The following HERC2 variants were observed in gnomAD, a reference collection of about 807,000 sequenced individuals.
The protein encoded by HERC2 is E3 ubiquitin-protein ligase HERC2.
A neutral mutation model predicts 537.7 loss-of-function variants in HERC2; 102 were observed. That is an observed-to-expected ratio of 0.19 (90% CI 0.16 to 0.22). The LOEUF (loss-of-function observed/expected upper bound fraction) is 0.22, where lower values mean the gene tolerates loss of function less well. Ranked by LOEUF, HERC2 falls within the 10% of genes least tolerant of loss-of-function variation. The pLI is 1.00. For synonymous variants in HERC2, 2,224 were observed against 2,466.2 expected, an observed-to-expected ratio of 0.90 and a Z score of 2.91; for missense variants, 4,236 against 6,198.2, an observed-to-expected ratio of 0.68 and a Z score of 10.63.
chr15:28,135,393 A>C (rs1890533188), intron 79 of HERC2, 85 bp downstream of exon 79: 4 of 1,058,714 alleles, frequency 3.8e-6, no homozygotes, highest in Non-Finnish European at 5.6e-6. Context: ...GCCTTGAAAA[A>C]CAAAGCGCCA....
intron 78 of HERC2, among the ~76,000 whole-genome samples, chr15:28,138,902 G>GA (rs1246333366): frequency 6.6e-6 from 1 of 152,176 alleles, no homozygotes; most frequent in African/African-American, 2.4e-5. Context: ...GGGAGGAGGT[G>GA]AAAATATCAA....
intron 71 of HERC2, among the ~76,000 whole-genome samples, chr15:28,145,065 G>A (rs1250709474): frequency 6.6e-6 from 1 of 152,242 alleles, no homozygotes; most frequent in African/African-American, 2.4e-5. Flanking sequence ...CACTGCCCTG[G>A]CAGAAGCCAC....
chr15:28,274,996 A>C lies in HERC2; in HGVS notation c.552T>G (p.Pro184=), dbSNP rs1437358101. ...LPPVDKKSSR[P]AGKGVEGLAR... ...CGAGCCCCTCCACACCTTTGCCCGC[A>C]GGCCGGGAACTGCAGACGACACACA... The change falls in exon 6 of 93, where the codon CCT becomes CCG. Residue 184 remains proline, a synonymous_variant. Transcript: ENST00000261609. The C allele has an allele frequency of 6.2e-7, 1 of 1,605,944 alleles. No homozygotes were observed. The highest frequency in any genetic ancestry group is 8.5e-7 in the Non-Finnish European group (1 of 1,179,320).
At chr15:28,317,475 G>A (rs2077120525) in intron 2 of HERC2, among the ~76,000 whole-genome samples, 1 of 152,238 alleles carries the variant, frequency 6.6e-6, no homozygotes, top group African/African-American at 2.4e-5. Flanking sequence ...TAGAGGAAGA[G>A]ACAAATAAAT....
At chr15:28,297,912 G>A (rs1385645709) in intron 3 of HERC2, among the ~76,000 whole-genome samples, 1 of 148,478 alleles carries the variant, frequency 6.7e-6, no homozygotes, top group Non-Finnish European at 1.5e-5. Flanking sequence ...TGAGACAAAC[G>A]GTGGATGGAC....
At chr15:28,207,359 C>G (rs1278501293) in intron 44 of HERC2, among the ~76,000 whole-genome samples, 1 of 152,174 alleles carries the variant, frequency 6.6e-6, no homozygotes, top group Non-Finnish European at 1.5e-5. Context: ...TGGTCTCGAA[C>G]TCCTGACCTC....
chr15:28,176,689 T>G lies in HERC2; in HGVS notation c.9512A>C (p.Glu3171Ala), dbSNP rs1159995902. The part of the protein sequence containing the change: ...RDAQTLALTD[E>A]GLVFSWGDGD... The stretch of plus-strand genomic sequence containing the variant: ...ACAGAATCCTGCCAGCCACTCACCT[T>G]CATCGGTCAGAGCCAGGGTCTGCGC... The change falls in exon 62 of 93, where the codon GAA (glutamate) becomes GCA (alanine). Residue 3171 changes from glutamate to alanine, a missense_variant and splice_region_variant. Glu to Ala is a moderately radical substitution (Grantham distance 107). Coordinates refer to ENST00000261609, the MANE Select transcript of HERC2 (RefSeq NM_004667.6). The surrounding 1 kb of genome is among the most constrained non-coding windows in gnomAD (Gnocchi z 5.0). 1 of 1,614,102 alleles carries G rather than the reference T, an allele frequency of 6.2e-7. No individual in the cohort carries two copies. The highest frequency in any genetic ancestry group is 1.1e-5 in the South Asian group (1 of 91,074).
chr15:28,272,591 C>G (rs1023361777), intron 8 of HERC2, among the ~76,000 whole-genome samples: 1 of 151,530 alleles, frequency 6.6e-6, no homozygotes. Flanking sequence ...ATAAGAAAGA[C>G]CAGTTAAGAA....
At chr15:28,293,317 C>A (rs1246721455) in intron 3 of HERC2, among the ~76,000 whole-genome samples, 3 of 151,894 alleles carry the variant, frequency 2.0e-5, no homozygotes, top group Admixed American at 1.3e-4. Flanking sequence ...CACGGTGAAA[C>A]CCCATCTCTA....
chr15:28,289,020 C>T (rs944185640), intron 4 of HERC2, among the ~76,000 whole-genome samples: 1 of 151,852 alleles, frequency 6.6e-6, no homozygotes, highest in Non-Finnish European at 1.5e-5. Flanking sequence ...CAGGAAGCTA[C>T]AGTCAGAGCA....
intron 1 of HERC2, 110 bp downstream of exon 1, chr15:28,321,965 G>C (rs1346714241): frequency 8.0e-6 from 1 of 125,380 alleles, no homozygotes; most frequent in Non-Finnish European, 1.6e-5. Flanking sequence ...GGTCCGCGCA[G>C]GCCCCGGTGC....
At chr15:28,319,623 T>C (rs1172833720) in intron 2 of HERC2, among the ~76,000 whole-genome samples, 1 of 149,300 alleles carries the variant, frequency 6.7e-6, no homozygotes, top group African/African-American at 2.5e-5. Flanking sequence ...TCTAATCATA[T>C]TGGAAATGTG....
intron 45 of HERC2, among the ~76,000 whole-genome samples, chr15:28,204,942 T>C (rs1472030694): frequency 1.3e-5 from 2 of 151,880 alleles, no homozygotes; most frequent in African/African-American, 2.4e-5. Context: ...GAAAAAACAA[T>C]AGTCAAAAGT....
At position 28,113,263 on chromosome 15, in the gene HERC2, G is replaced by A. The variant is rs764703664; in HGVS notation, c.14040C>T (p.Ile4680=). ...CCACCGACTTGAGAAGGTGCAGCGG[G>A]ATGTCAGGGCTGCCACACACCTGCG... The part of the protein sequence containing the change: ...LETMVCGSPD[I]PLHLLKSVAT... The change falls in exon 92 of 93, where the codon ATC becomes ATT. Residue 4680 remains isoleucine (I), a synonymous_variant. Transcript: ENST00000261609. This position sits in a 1 kb window ranked among gnomAD's most constrained non-coding sequence, Gnocchi z 7.0. The A allele has an allele frequency of 1.2e-6, 2 of 1,614,090 alleles. No individual in the cohort carries two copies. The highest frequency in any genetic ancestry group is 4.5e-5 in the East Asian group (2 of 44,884).
At chr15:28,143,193 T>G (rs1397438716) in intron 74 of HERC2, among the ~76,000 whole-genome samples, 2 of 152,154 alleles carry the variant, frequency 1.3e-5, no homozygotes, top group Non-Finnish European at 2.9e-5. Context: ...GTACATCCGC[T>G]TCCAGAGAAA....
At chr15:28,168,900 AG>A (rs1894420599) in intron 66 of HERC2, among the ~76,000 whole-genome samples, 1 of 152,216 alleles carries the variant, frequency 6.6e-6, no homozygotes, top group Non-Finnish European at 1.5e-5. Context: ...CTGCTGTGAG[AG>A]CCTGAGGGCT....
At chr15:28,214,385 C>T (rs1435460492) in intron 40 of HERC2, 113 bp from the exon 41 acceptor site, 17 of 1,033,688 alleles carry the variant, frequency 1.6e-5, no homozygotes, top group Non-Finnish European at 2.6e-5. Context: ...CACCAGGGCA[C>T]AGGGAAGGGA....
rs1341226245 is a variant in HERC2 at position 28,238,609 on chromosome 15, A to G, written c.3741T>C (p.Ser1247=). Residue 1247 remains serine, a synonymous_variant, in exon 24 of 93, where the codon AGT becomes AGC. Transcript: ENST00000261609. ...TAACAAGTGTAATCTTACCAAGAAT[A>G]CTATTTCCTGTTAACGACTGTGTCT... ...DFQTQSLTGN[S]ILAQFAGEDP... The G allele has an allele frequency of 1.2e-6, 2 of 1,610,066 alleles. No homozygotes were observed. The highest frequency in any genetic ancestry group is 2.7e-5 in the African/African-American group (2 of 74,762).
At chr15:28,310,731 T>C (rs2076918444) in intron 2 of HERC2, among the ~76,000 whole-genome samples, 1 of 152,076 alleles carries the variant, frequency 6.6e-6, no homozygotes, top group East Asian at 1.9e-4. Flanking sequence ...AATACGACAT[T>C]TGACCCGTGT....
Sources: allele counts gnomAD v4.1 joint callset (sites outside exome capture counted in the v4.1 genomes callset), GRCh38; gene constraint gnomAD v4.1.1; non-coding constraint Gnocchi (gnomAD v3.1); transcripts MANE v1.5; gene names NCBI Gene and HGNC (gene_info 2026-07-23, HGNC 2026-07-21).